LHFPL6: variants seen among roughly 807,000 people sequenced by gnomAD.
The protein encoded by LHFPL6 is LHFPL tetraspan subfamily member 6 protein.
Under a neutral mutation model 20.6 loss-of-function variants are expected in LHFPL6, and 9 were observed. The observed-to-expected ratio is 0.44, with a 90% CI of 0.26 to 0.76. LHFPL6 has a LOEUF of 0.76. LHFPL6 is among the 30% of genes least tolerant of loss of function. LHFPL6 has a pLI of 0.20. For missense variants in LHFPL6, 218 were observed against 253.5 expected (o/e 0.86, Z 0.95); for synonymous variants, 105 against 98.7 (o/e 1.06, Z -0.38).
chr13:39,491,625 T>A (rs1868927855), intron 2 of LHFPL6, among the ~76,000 whole-genome samples: 1 of 152,096 alleles, frequency 6.6e-6, no homozygotes, highest in Admixed American at 6.6e-5. Flanking sequence ...CACAATTAAA[T>A]CCTCGGAAGG....
At chr13:39,419,736 T>C (rs1057303490) in intron 2 of LHFPL6, among the ~76,000 whole-genome samples, 3 of 152,210 alleles carry the variant, frequency 2.0e-5, no homozygotes, top group East Asian at 1.9e-4. Context: ...ATTAGGCCCA[T>C]ATAGATTTTT....
chr13:39,490,395 A>T (rs1868883333), intron 2 of LHFPL6, among the ~76,000 whole-genome samples: 1 of 152,228 alleles, frequency 6.6e-6, no homozygotes, highest in African/African-American at 2.4e-5. Context: ...AAGTGGGTGT[A>T]TGGATAAATC....
At chr13:39,404,066 G>A (rs929256313) in intron 2 of LHFPL6, among the ~76,000 whole-genome samples, 6 of 152,184 alleles carry the variant, frequency 3.9e-5, no homozygotes, top group African/African-American at 1.4e-4. Context: ...AGACTTTGTG[G>A]AGCTCAAGGA....
intron 3 of LHFPL6, among the ~76,000 whole-genome samples, chr13:39,354,546 T>G (rs1036353190): frequency 6.6e-6 from 1 of 152,116 alleles, no homozygotes; most frequent in Non-Finnish European, 1.5e-5. Flanking sequence ...CAGATTAAAA[T>G]GGCTCAAATA....
intron 2 of LHFPL6, among the ~76,000 whole-genome samples, chr13:39,554,711 C>T (rs550667112): frequency 6.6e-6 from 1 of 152,332 alleles, no homozygotes; most frequent in South Asian, 2.1e-4. Context: ...TTCTGACTGT[C>T]TTCTCCAATA....
At chr13:39,508,888 T>C (rs1869587723) in intron 2 of LHFPL6, among the ~76,000 whole-genome samples, 1 of 152,214 alleles carries the variant, frequency 6.6e-6, no homozygotes, top group African/African-American at 2.4e-5. Context: ...TAATACAGTA[T>C]ATATGTATTT....
chr13:39,400,785 A>AAT (rs1870969772), intron 2 of LHFPL6, among the ~76,000 whole-genome samples: 1 of 147,098 alleles, frequency 6.8e-6, no homozygotes, highest in Admixed American at 6.7e-5. Flanking sequence ...TCCGTCTCAA[A>AAT]AAAAAAAAAA....
intron 2 of LHFPL6, among the ~76,000 whole-genome samples, chr13:39,590,753 T>C (rs977313114): frequency 6.6e-6 from 1 of 152,176 alleles, no homozygotes; most frequent in African/African-American, 2.4e-5. Context: ...ATCTCTTGAG[T>C]GTGGTTTTTG....
At chr13:39,359,113 G>A (rs915945367) in intron 3 of LHFPL6, among the ~76,000 whole-genome samples, 7 of 151,530 alleles carry the variant, frequency 4.6e-5, no homozygotes, top group African/African-American at 1.7e-4. Context: ...AGTGAGCCGA[G>A]ATCACACCAC....
Position 39,507,756 on chromosome 13 carries a change from T to C in LHFPL6, c.385+93076A>G, listed in dbSNP as rs566791276. The stretch of plus-strand genomic sequence containing the variant: ...GTATCTGAGTATGTGGTAGATATTA[T>C]TAACTTCATTTTACAGAAAAGAAAA... On this transcript the variant is annotated intron_variant, in intron 2 of 3. Transcript: ENST00000379589. 1.6e-3 allele frequency among the ~76,000 whole-genome samples: 240 copies of C among 152,306 alleles called. 2 individuals are homozygous for C. Among genetic ancestry groups the C allele is most frequent in the African/African-American group, 5.5e-3 (230 of 41,564 alleles).
In LHFPL6 at chr13:39,460,980, C is replaced by T. The variant is rs142864086; in HGVS notation, c.386-82454G>A. 6.6e-4 allele frequency among the ~76,000 whole-genome samples: 101 copies of T among 152,302 alleles called. No individual in the cohort carries two copies. In the East Asian group the frequency reaches 0.016, roughly 25 times the overall value. On this transcript the variant is annotated intron_variant, in intron 2 of 3. Transcript: ENST00000379589. ...GATAGGTAGTTTTTCAATCCTCACC[C>T]TCCTACTACCCTCCACCCTCAAGTA... is the stretch of plus-strand genomic sequence containing the variant.
At chr13:39,540,029 A>C (rs1212431905) in intron 2 of LHFPL6, among the ~76,000 whole-genome samples, 1 of 152,164 alleles carries the variant, frequency 6.6e-6, no homozygotes, top group African/African-American at 2.4e-5. Context: ...TGTTATATAG[A>C]TTCTCTGTTA....
chr13:39,575,356 G>T (rs779178090), intron 2 of LHFPL6, among the ~76,000 whole-genome samples: 4 of 152,094 alleles, frequency 2.6e-5, no homozygotes, highest in Non-Finnish European at 5.9e-5. Context: ...CACAGTTAAG[G>T]AACGATTTTT....
At chr13:39,448,356 T>G (rs1872349126) in intron 2 of LHFPL6, among the ~76,000 whole-genome samples, 1 of 152,216 alleles carries the variant, frequency 6.6e-6, no homozygotes, top group African/African-American at 2.4e-5. Context: ...GAGCTTTGTC[T>G]GTACTGCACA....
At chr13:39,602,182 A>C (rs1414524345) in intron 1 of LHFPL6, among the ~76,000 whole-genome samples, 1 of 152,104 alleles carries the variant, frequency 6.6e-6, no homozygotes, top group Non-Finnish European at 1.5e-5. Flanking sequence ...AGGGGCATCT[A>C]CTTCCACCCC....
rs535587631 is a variant in LHFPL6 at position 39,379,159 on chromosome 13, T to C, written c.386-633A>G. 5.3e-5 allele frequency among the ~76,000 whole-genome samples: 8 copies of C among 152,322 alleles called. No individual in the cohort carries two copies. The South Asian group carries it at 1.7e-3, about 32-fold the overall frequency. On this transcript the variant is annotated intron_variant, in intron 2 of 3. Transcript: ENST00000379589. ...CCCTTGCTGCTAAAACCAAAAGTTT[T>C]GATGACTAAACCAAAGAAAGTGATG...
At chr13:39,561,848 T>C (rs1362253913) in intron 2 of LHFPL6, among the ~76,000 whole-genome samples, 1 of 152,186 alleles carries the variant, frequency 6.6e-6, no homozygotes, top group African/African-American at 2.4e-5. Context: ...AGAGTGAATA[T>C]GGGCTTTCAC....
intron 2 of LHFPL6, among the ~76,000 whole-genome samples, chr13:39,514,121 T>C (rs1319357401): frequency 1.3e-5 from 2 of 152,146 alleles, no homozygotes; most frequent in Admixed American, 1.3e-4. Flanking sequence ...CTACTGATCA[T>C]TTAAACTGGC....
intron 2 of LHFPL6, among the ~76,000 whole-genome samples, chr13:39,464,359 C>A (rs912578899): frequency 3.3e-5 from 5 of 152,092 alleles, no homozygotes; most frequent in Admixed American, 1.3e-4. Context: ...AAAGGATAAT[C>A]ATTTCATATT....
Sources: gnomAD v4.1 joint callset for allele counts (sites outside exome capture counted in the v4.1 genomes callset) on GRCh38, gnomAD v4.1.1 for gene constraint, MANE v1.5 for transcripts, NCBI Gene and HGNC (gene_info 2026-07-23, HGNC 2026-07-21) for gene names.